Variants in DOCK7 observed in about 807,000 individuals in gnomAD.
DOCK7 encodes the protein dedicator of cytokinesis protein 7.
Under a neutral mutation model 271.0 loss-of-function variants are expected in DOCK7, and 138 were observed. The observed-to-expected ratio is 0.51, with a 90% CI of 0.44 to 0.59. DOCK7 has a LOEUF of 0.59. DOCK7 is among the 20% of genes least tolerant of loss of function. The pLI, the probability that DOCK7 is intolerant of heterozygous loss-of-function variation, is 0.00. For synonymous variants in DOCK7, 823 were observed against 876.1 expected (o/e 0.94, Z 1.07); for missense variants, 2,066 against 2,592.4 (o/e 0.80, Z 4.41).
intron 38 of DOCK7, among the ~76,000 whole-genome samples, chr1:62,496,083 T>C (rs1646613648): frequency 6.6e-6 from 1 of 152,212 alleles, no homozygotes; most frequent in Non-Finnish European, 1.5e-5. Flanking sequence ...TCATAAAGCT[T>C]TGTCTGCACT....
At chr1:62,653,899 A>G (rs1657670445) in intron 3 of DOCK7, 85 bp downstream of exon 3, 2 of 1,523,344 alleles carry the variant, frequency 1.3e-6, no homozygotes, top group South Asian at 2.4e-5. Context: ...TGATGATGCT[A>G]TAAGAAGTAG....
intron 37 of DOCK7, 71 bp downstream of exon 37, chr1:62,504,559 T>C (rs1378571090): frequency 6.7e-7 from 1 of 1,485,888 alleles, no homozygotes; most frequent in Admixed American, 2.3e-5. Context: ...TCCCAAAAAC[T>C]GATTTAATAA....
intron 49 of DOCK7, among the ~76,000 whole-genome samples, chr1:62,456,162 T>C (rs1052532035): frequency 2.0e-5 from 3 of 152,170 alleles, no homozygotes; most frequent in African/African-American, 7.2e-5. Context: ...AGGCCAATAT[T>C]TGGCATTAAT....
At chr1:62,654,387 T>C (rs1030460977) in intron 2 of DOCK7, among the ~76,000 whole-genome samples, 4 of 152,304 alleles carry the variant, frequency 2.6e-5, no homozygotes, top group East Asian at 1.9e-4. Flanking sequence ...GCTGATACTT[T>C]GCCCAGAACT....
At position 62,474,130 on chromosome 1, in the gene DOCK7, C is replaced by T. The variant is rs764795336; in HGVS notation, c.6106-42G>A. ...TAAGAAGTGTGTTTTTTTGTTATCT[C>T]TAAAATCACAGAGACAGAATTTACT... is the stretch of plus-strand genomic sequence containing the variant. On this transcript the variant is annotated intron_variant, in intron 47 of 49. Coordinates refer to ENST00000635253, the MANE Select transcript of DOCK7 (RefSeq NM_001367561.1). 8.6e-6 allele frequency: 13 copies of T among 1,517,398 alleles called. No individual in the cohort carries two copies. The Admixed American group carries it at 2.2e-4, about 26-fold the overall frequency. 94.0% of individuals were successfully genotyped at this position (1,517,398 alleles called of 1,614,324 possible). A position where few individuals can be genotyped will look rare whatever the true frequency, so the allele number is the denominator to read the frequency against.
chr1:62,513,621 T>C lies in DOCK7; in HGVS notation c.4120-15A>G, dbSNP rs758132304. Reference sequence around the variant, plus strand: ...ACTTTTTTCCCCTAAAATGTAAACATTAGAAGAGAAGAGGTATTGAGGAAA... The same window carrying C: ...ACTTTTTTCCCCTAAAATGTAAACACTAGAAGAGAAGAGGTATTGAGGAAA... On this transcript the variant is annotated splice_polypyrimidine_tract_variant and intron_variant, in intron 32 of 49. Transcript: ENST00000635253. 6.2e-7 allele frequency: 1 copy of C among 1,609,102 alleles called. No homozygotes were observed. Among genetic ancestry groups the C allele is most frequent in the Admixed American group, 1.7e-5 (1 of 58,752 alleles).
chr1:62,492,992 A>T, intron 40 of DOCK7, 145 bp from the exon 41 acceptor site: 1 of 614,974 alleles, frequency 1.6e-6, no homozygotes, highest in Non-Finnish European at 2.7e-6. Context: ...ATAAATCTCT[A>T]AAAACTTTCT....
chr1:62,661,046 C>G (rs1658602113), intron 2 of DOCK7, among the ~76,000 whole-genome samples: 1 of 150,154 alleles, frequency 6.7e-6, no homozygotes, highest in Non-Finnish European at 1.5e-5. Flanking sequence ...CTATAGTGAG[C>G]TATGATGGTA....
chr1:62,572,665 T>C (rs1305410162), intron 18 of DOCK7, among the ~76,000 whole-genome samples: 1 of 152,186 alleles, frequency 6.6e-6, no homozygotes, highest in Admixed American at 6.5e-5. Flanking sequence ...CTCTGGTCTC[T>C]TCTTACAAGG....
chr1:62,611,001 G>A (rs1651714908), intron 14 of DOCK7, among the ~76,000 whole-genome samples: 2 of 152,080 alleles, frequency 1.3e-5, no homozygotes, highest in Admixed American at 1.3e-4. Context: ...GGGTCAAATG[G>A]TATTTCTAGT....
intron 19 of DOCK7, among the ~76,000 whole-genome samples, chr1:62,560,080 G>T (rs1420999609): frequency 1.3e-5 from 2 of 152,086 alleles, no homozygotes; most frequent in Non-Finnish European, 2.9e-5. Flanking sequence ...CTTATTTCTT[G>T]TTTCCTCTGG....
At chr1:62,639,624 G>A (rs1012896759) in intron 7 of DOCK7, among the ~76,000 whole-genome samples, 4 of 151,162 alleles carry the variant, frequency 2.6e-5, no homozygotes, top group Admixed American at 1.3e-4. Flanking sequence ...TTAGTAGAGG[G>A]TTCACTGTGT....
intron 35 of DOCK7, among the ~76,000 whole-genome samples, chr1:62,506,352 C>G (rs1011512043): frequency 6.6e-6 from 1 of 152,138 alleles, no homozygotes; most frequent in Non-Finnish European, 1.5e-5. Context: ...TTTCTTTTCA[C>G]TGAATGAAAT....
chr1:62,580,229 C>A (rs1647072926), intron 16 of DOCK7, among the ~76,000 whole-genome samples: 1 of 152,068 alleles, frequency 6.6e-6, no homozygotes, highest in South Asian at 2.1e-4. Context: ...TAGACTTGAA[C>A]ACAGGAATAT....
Position 62,505,675 on chromosome 1 carries a change from A to G in DOCK7, c.4611+7T>C. The G allele has an allele frequency of 6.2e-7, 1 of 1,601,830 alleles. No individual in the cohort carries two copies. Among genetic ancestry groups the G allele is most frequent in the Non-Finnish European group, 8.5e-7 (1 of 1,176,434 alleles). On this transcript the variant is annotated splice_region_variant and intron_variant, in intron 36 of 49. Coordinates refer to ENST00000635253, the MANE Select transcript of DOCK7 (RefSeq NM_001367561.1). ...TCTGACAACACTGCAGGTACAAAAT[A>G]ACCTACCTTTGAAACCAAGGCTCTC...
In DOCK7 at chr1:62,559,142, G is replaced by A; in HGVS notation, c.2278C>T (p.Arg760Ter). ...HLFPVRIGDM[R>*]IMENNLENEL... ...TTTTCTAAGTTATTTTCCATGATTC[G>A]CATGTCCCCAATTCGGACTGGGAAC... The change falls in exon 20 of 50, where the codon CGA becomes TGA. Residue 760 changes from arginine to a stop codon, truncating the protein, a stop_gained. Transcript: ENST00000635253. LOFTEE classifies it high-confidence loss of function. 1 of 1,613,654 alleles carries A rather than the reference G, an allele frequency of 6.2e-7. No individual in the cohort carries two copies. Among genetic ancestry groups the A allele is most frequent in the South Asian group, 1.1e-5 (1 of 91,058 alleles).
At chr1:62,597,734 T>C in intron 14 of DOCK7, 1 of 1,613,530 alleles carries the variant, frequency 6.2e-7, no homozygotes, top group Non-Finnish European at 8.5e-7. Flanking sequence ...TGGGACATGG[T>C]CTTAAAGACT....
In DOCK7 at chr1:62,505,623, T is replaced by C. The variant is rs888225750; in HGVS notation, c.4611+59A>G. On this transcript the variant is annotated intron_variant, in intron 36 of 49. Transcript: ENST00000635253. ...AACCAATGAATGTGTCAAATGATCT[T>C]AGACAATGTTAATAAAAAAAACAAA... 6.5e-6 allele frequency: 10 copies of C among 1,540,136 alleles called. No individual in the cohort carries two copies. In the East Asian group the frequency reaches 1.8e-4, roughly 28 times the overall value.
At chr1:62,517,581 G>A (rs1342127525) in intron 31 of DOCK7, among the ~76,000 whole-genome samples, 1 of 152,068 alleles carries the variant, frequency 6.6e-6, no homozygotes, top group Non-Finnish European at 1.5e-5. Context: ...GGCAACAAGA[G>A]TGAAACTCTG....
Sources: gnomAD v4.1 joint callset for allele counts (sites outside exome capture counted in the v4.1 genomes callset) on GRCh38, gnomAD v4.1.1 for gene constraint, MANE v1.5 for transcripts, NCBI Gene and HGNC (gene_info 2026-07-23, HGNC 2026-07-21) for gene names.